The following FAM240A variants were observed in gnomAD, a reference collection of about 807,000 sequenced individuals.
The protein encoded by FAM240A is protein FAM240A.
FAM240A carries 8 observed loss-of-function variants against 7.3 expected under a neutral mutation model. That is an observed-to-expected ratio of 1.09 (90% confidence interval 0.64 to 1.97). The LOEUF (loss-of-function observed/expected upper bound fraction) is 1.97. FAM240A is among the 30% of genes most tolerant of loss of function. The pLI is 0.00. For missense variants in FAM240A, 90 were observed against 102.2 expected, an observed-to-expected ratio of 0.88 and a Z score of 0.52; for synonymous variants, 32 against 35.9, an observed-to-expected ratio of 0.89 and a Z score of 0.38.
chr3:46,619,520 C>T (rs1055440846), intron 2 of FAM240A, among the ~76,000 whole-genome samples: 1 of 152,184 alleles, frequency 6.6e-6, no homozygotes, highest in Non-Finnish European at 1.5e-5. Context: ...AAACCTCCCC[C>T]ATTTTGGAAC....
chr3:46,618,069 G>A (rs141106203), intron 2 of FAM240A, among the ~76,000 whole-genome samples: 1 of 152,326 alleles, frequency 6.6e-6, no homozygotes, highest in East Asian at 1.9e-4. Context: ...GTCTGACGAG[G>A]CCATGGCTTA....
In FAM240A at chr3:46,618,918, CATAT is replaced by C. The variant is rs71736206; in HGVS notation, c.161+1591_161+1594del. On this transcript the variant is annotated intron_variant, in intron 2 of 2. Coordinates refer to ENST00000640551, the MANE Select transcript of FAM240A (RefSeq NM_001195442.2). The stretch of plus-strand genomic sequence containing the variant: ...ACACACACACACACACACACACACA[CATAT>C]GCAGTATCTATCTATGCATATAATA... Among the ~76,000 whole-genome samples, 714 of 115,960 alleles carry C rather than the reference CATAT, an allele frequency of 6.2e-3. 8 individuals are homozygous for C. Among genetic ancestry groups the C allele is most frequent in the South Asian group, 0.012 (51 of 4,310 alleles). 76.1% of individuals were successfully genotyped at this position (115,960 alleles called of 152,430 possible). A position where few individuals can be genotyped will look rare whatever the true frequency, so the allele number is the denominator to read the frequency against.
intron 2 of FAM240A, among the ~76,000 whole-genome samples, chr3:46,620,222 TC>T (rs1281027659): frequency 1.3e-5 from 2 of 151,490 alleles, no homozygotes; most frequent in Non-Finnish European, 2.9e-5. Context: ...TCTGCCTATT[TC>T]TTCCCCACAC....
intron 2 of FAM240A, among the ~76,000 whole-genome samples, chr3:46,618,878 T>TACAC (rs1236609584): frequency 2.7e-5 from 2 of 73,898 alleles, no homozygotes; most frequent in South Asian, 5.0e-4. Flanking sequence ...TATATATATA[T>TACAC]ATATACACAC....
At chr3:46,624,859 A>G (rs1436791392) in intron 2 of FAM240A, among the ~76,000 whole-genome samples, 1 of 151,964 alleles carries the variant, frequency 6.6e-6, no homozygotes, top group Non-Finnish European at 1.5e-5. Flanking sequence ...CCCTGACTGC[A>G]AATATATTTT....
intron 2 of FAM240A, among the ~76,000 whole-genome samples, chr3:46,621,705 G>T (rs1356002389): frequency 6.6e-6 from 1 of 152,034 alleles, no homozygotes; most frequent in Non-Finnish European, 1.5e-5. Flanking sequence ...AGCCTCGGGA[G>T]GTCGAGGCTG....
chr3:46,624,223 C>CCA (rs1486029807), intron 2 of FAM240A, among the ~76,000 whole-genome samples: 3 of 150,958 alleles, frequency 2.0e-5, no homozygotes, highest in Admixed American at 2.0e-4. Flanking sequence ...TGCTATAACC[C>CCA]CACAGTACAT....
Position 46,625,269 on chromosome 3 carries a change from T to G in FAM240A, c.*51T>G. The G allele has an allele frequency of 1.4e-6, 2 of 1,386,626 alleles. No individual in the cohort carries two copies. The highest frequency in any genetic ancestry group is 2.0e-6 in the Non-Finnish European group (2 of 1,016,704). 85.9% of individuals were successfully genotyped at this position (1,386,626 alleles called of 1,614,324 possible). ...AAGATGCAAAACACTGAGGTCACTT[T>G]GCTAGAAGTCAGTGCAAATTCCTGA... is the stretch of plus-strand genomic sequence containing the variant. On this transcript the variant is annotated 3_prime_UTR_variant, in exon 3 of 3. Transcript: ENST00000640551.
chr3:46,625,029 C>T, intron 2 of FAM240A, 99 bp from the exon 3 acceptor site: 2 of 714,168 alleles, frequency 2.8e-6, no homozygotes, highest in South Asian at 1.8e-5. Flanking sequence ...TGAACACATA[C>T]ATGCAATTTC....
In FAM240A at chr3:46,617,347, T is replaced by C; in HGVS notation, c.161+19T>C. Reference sequence around the variant, plus strand: ...TGAGAAAGTATGTGGCTTGTTTGTCTACTTTTTAGAATTAATTAATTTTTA... The same window carrying C: ...TGAGAAAGTATGTGGCTTGTTTGTCCACTTTTTAGAATTAATTAATTTTTA... On this transcript the variant is annotated intron_variant, in intron 2 of 2. Transcript: ENST00000640551. 1 of 1,499,274 alleles carries C rather than the reference T, an allele frequency of 6.7e-7. No homozygotes were observed. The highest frequency in any genetic ancestry group is 1.3e-5 in the South Asian group (1 of 77,296). The allele number at this position is 1,499,274 out of a possible 1,614,324, so 92.9% of individuals were successfully genotyped here. A position where few individuals can be genotyped will look rare whatever the true frequency, so the allele number is the denominator to read the frequency against.
At chr3:46,617,433 A>AAG (rs777509845) in intron 2 of FAM240A, 105 bp downstream of exon 2, 182 of 1,021,324 alleles carry the variant, frequency 1.8e-4, no homozygotes, top group Non-Finnish European at 2.4e-4. Context: ...AGAAGGTACT[A>AAG]AGAGTTCCCT....
At chr3:46,617,532 G>T (rs113061184) in intron 2 of FAM240A, among the ~76,000 whole-genome samples, 4,934 of 152,252 alleles carry the variant, frequency 0.032, 101 homozygotes, top group Non-Finnish European at 0.047. Context: ...TTCAAGTCAT[G>T]ATTATCTTGT....
Position 46,625,257 on chromosome 3 carries a change from C to T in FAM240A, c.*39C>T. On this transcript the variant is annotated 3_prime_UTR_variant, in exon 3 of 3. Coordinates refer to ENST00000640551, the MANE Select transcript of FAM240A (RefSeq NM_001195442.2). ...CATTGACACAAGAAGATGCAAAACA[C>T]TGAGGTCACTTTGCTAGAAGTCAGT... 6 of 1,434,106 alleles carry T rather than the reference C, an allele frequency of 4.2e-6. No individual in the cohort carries two copies. 88.8% of individuals were successfully genotyped at this position (1,434,106 alleles called of 1,614,324 possible).
chr3:46,625,325 C>T lies in FAM240A; in HGVS notation c.*107C>T, dbSNP rs907654435. On this transcript the variant is annotated 3_prime_UTR_variant, in exon 3 of 3. Coordinates refer to ENST00000640551, the MANE Select transcript of FAM240A (RefSeq NM_001195442.2). ...TTTGCTATACCAATCAGCTCTCACA[C>T]TATTGTTTCCCCACCTGGGAGAGGA... is the stretch of plus-strand genomic sequence containing the variant. 1 of 721,614 alleles carries T rather than the reference C, an allele frequency of 1.4e-6. No homozygotes were observed. The allele number at this position is 721,614 out of a possible 1,614,324, so 44.7% of individuals were successfully genotyped here.
At chr3:46,620,908 T>C (rs558576151) in intron 2 of FAM240A, among the ~76,000 whole-genome samples, 4 of 152,312 alleles carry the variant, frequency 2.6e-5, no homozygotes, top group Admixed American at 2.0e-4. Context: ...TTAAAGGAGT[T>C]ATTATATTTA....
chr3:46,622,151 C>G (rs1045335177), intron 2 of FAM240A, among the ~76,000 whole-genome samples: 2 of 120,964 alleles, frequency 1.7e-5, no homozygotes, highest in Admixed American at 2.2e-4. Context: ...CTCACTCTGT[C>G]GCCCAGTGCA....
intron 1 of FAM240A, among the ~76,000 whole-genome samples, chr3:46,613,694 T>C (rs1428634950): frequency 6.6e-6 from 1 of 152,092 alleles, no homozygotes; most frequent in African/African-American, 2.4e-5. Context: ...TCCTGCACCC[T>C]GGGTGCTCCT....
chr3:46,615,377 G>T (rs1029248299), intron 1 of FAM240A, among the ~76,000 whole-genome samples: 6 of 152,128 alleles, frequency 3.9e-5, no homozygotes, highest in Non-Finnish European at 5.9e-5. Flanking sequence ...AGCCAGGGCA[G>T]TACCCACTGA....
intron 1 of FAM240A, among the ~76,000 whole-genome samples, chr3:46,614,049 G>T (rs1697600296): frequency 6.6e-6 from 1 of 152,050 alleles, no homozygotes; most frequent in Admixed American, 6.6e-5. Flanking sequence ...CTCCTGAGTA[G>T]CTGGGACCAC....
Sources: allele counts gnomAD v4.1 joint callset (sites outside exome capture counted in the v4.1 genomes callset), GRCh38; gene constraint gnomAD v4.1.1; transcripts MANE v1.5; gene names NCBI Gene and HGNC (gene_info 2026-07-23, HGNC 2026-07-21).